The following STXBP2 variants were observed in gnomAD, a reference collection of about 807,000 sequenced individuals.
STXBP2 encodes the protein syntaxin-binding protein 2.
Under a neutral mutation model 72.2 loss-of-function variants are expected in STXBP2, and 47 were observed. The ratio of observed to expected loss-of-function variants is 0.65; its 90% CI spans 0.51 to 0.83. The LOEUF is 0.83. Ranked by LOEUF, STXBP2 falls within the 40% of genes least tolerant of loss-of-function variation. The probability of loss-of-function intolerance (pLI) is 0.00; values close to 1 mark genes in which losing one functional copy is unlikely to be tolerated. For missense variants in STXBP2, 702 were observed against 807.6 expected (o/e 0.87, Z 1.58); for synonymous variants, 367 against 338.7 (o/e 1.08, Z -0.92).
At chr19:7,635,634 T>C (rs1407822132), upstream of STXBP2, among the ~76,000 whole-genome samples, 1 of 152,094 alleles carries the variant, frequency 6.6e-6, no homozygotes, top group African/African-American at 2.4e-5. Context: ...AAGTCGAGGC[T>C]GCAGTGAGCT....
At chr19:7,632,540 G>C (rs1254535676), upstream of STXBP2, 1 of 1,610,988 alleles carries the variant, frequency 6.2e-7, no homozygotes, top group South Asian at 1.1e-5. This position sits in a 1 kb window ranked among gnomAD's most constrained non-coding sequence, Gnocchi z 5.2. Context: ...TCACAGACTT[G>C]GGAGGACACA....
chr19:7,647,257 C>G lies in STXBP2; in HGVS notation c.1538+10C>G, dbSNP rs139200597. 5.0e-6 allele frequency: 8 copies of G among 1,610,392 alleles called. No homozygotes were observed. Among genetic ancestry groups the G allele is most frequent in the Admixed American group, 1.7e-5 (1 of 59,956 alleles). On this transcript the variant is annotated intron_variant, in intron 17 of 18. Coordinates refer to ENST00000221283, the MANE Select transcript of STXBP2 (RefSeq NM_006949.4). Reference sequence around the variant, plus strand: ...CCCAGGCCGCTGTCAGGTGAGGCCCCGGGGCCGCCCCCGCCCACGCCTGGG... The same window carrying G: ...CCCAGGCCGCTGTCAGGTGAGGCCCGGGGGCCGCCCCCGCCCACGCCTGGG...
Position 7,642,774 on chromosome 19 carries a change from CG to C in STXBP2, c.913del (p.Glu305SerfsTer3). On this transcript the variant is annotated frameshift_variant, in exon 11 of 19. Transcript: ENST00000221283. LOFTEE classifies it high-confidence loss of function. This position sits in a 1 kb window ranked among gnomAD's most constrained non-coding sequence, Gnocchi z 6.0. ...CCCACCCTCATGGCCAGGAAGGTCA[CG>C]GAGCTCCTGAGGACCTTCTGTGAGA... ...MHIADVSKKV[T>X]ELLRTFCESK... The C allele has an allele frequency of 6.2e-7, 1 of 1,613,892 alleles. No homozygotes were observed. Among genetic ancestry groups the C allele is most frequent in the Non-Finnish European group, 8.5e-7 (1 of 1,179,988 alleles).
upstream of STXBP2, chr19:7,633,461 C>T: frequency 3.8e-6 from 6 of 1,574,934 alleles, no homozygotes; most frequent in Non-Finnish European, 4.3e-6. Flanking sequence ...CCATCATGTC[C>T]CTGGACTCCA....
chr19:7,631,622 T>G, the STXBP2 span: 1 of 1,466,560 alleles, frequency 6.8e-7, no homozygotes. Context: ...TCCTTGTTAT[T>G]CATTTAAGTG....
upstream of STXBP2, chr19:7,633,146 C>T (rs1015648694): frequency 2.1e-5 from 8 of 375,594 alleles, no homozygotes; most frequent in Admixed American, 1.3e-4. Flanking sequence ...AGCTGGGACA[C>T]GAATCAGGGA....
At chr19:7,636,154 T>C (rs1599384753), upstream of STXBP2, 1 of 152,136 alleles carries the variant, frequency 6.6e-6, no homozygotes, top group South Asian at 2.1e-4. Flanking sequence ...GACCTTCGGG[T>C]CTGATTCACT....
chr19:7,632,865 C>T, upstream of STXBP2: 1 of 1,537,774 alleles, frequency 6.5e-7, no homozygotes, highest in Non-Finnish European at 8.7e-7. The surrounding 1 kb of genome is among the most constrained non-coding windows in gnomAD (Gnocchi z 5.2). Flanking sequence ...GTTGGCCCTT[C>T]AGCTTGGGGG....
the STXBP2 span, chr19:7,630,536 G>C: frequency 6.8e-7 from 1 of 1,465,254 alleles, no homozygotes; most frequent in South Asian, 1.2e-5. Flanking sequence ...CACATTGCTT[G>C]GGGGGAGCTC....
At position 7,640,284 on chromosome 19, in the gene STXBP2, C is replaced by T. The variant is rs1568465083; in HGVS notation, c.247-447C>T. 2.5e-5 allele frequency: 13 copies of T among 518,784 alleles called. 1 individual carries two copies. Among genetic ancestry groups the T allele is most frequent in the South Asian group, 1.7e-4 (11 of 64,370 alleles). The allele number at this position is 518,784 out of a possible 1,614,324, so 32.1% of individuals were successfully genotyped here. A position where few individuals can be genotyped will look rare whatever the true frequency, so the allele number is the denominator to read the frequency against. ...TGTATGCGTGTATATGTATGTGCATCTGTGTGCATGTGTCTATGTATGTGT... is the reference window on the plus strand; with the variant it reads ...TGTATGCGTGTATATGTATGTGCATTTGTGTGCATGTGTCTATGTATGTGT... On this transcript the variant is annotated intron_variant, in intron 4 of 18. Coordinates refer to ENST00000221283, the MANE Select transcript of STXBP2 (RefSeq NM_006949.4).
the STXBP2 span, chr19:7,629,833 G>A: frequency 6.5e-7 from 1 of 1,536,710 alleles, no homozygotes. Flanking sequence ...GGAGAAACGA[G>A]ATGGGGGTGA....
chr19:7,646,330 A>G lies in STXBP2; in HGVS notation c.1438A>G (p.Lys480Glu). ...YQLSRWTPVI[K>E]DVMEDAVEDR... ...GCTGTCCCGCTGGACCCCGGTCATC[A>G]AGGATGTAATGGAGGTACTGGGTGG... The change falls in exon 16 of 19, where the codon AAG becomes GAG. Residue 480 changes from lysine (K) to glutamate (E), a missense_variant. Transcript: ENST00000221283. 6.2e-7 allele frequency: 1 copy of G among 1,608,984 alleles called. No individual in the cohort carries two copies. Among genetic ancestry groups the G allele is most frequent in the Non-Finnish European group, 8.5e-7 (1 of 1,178,220 alleles).
chr19:7,637,089 G>T, upstream of STXBP2: 2 of 1,233,716 alleles, frequency 1.6e-6, no homozygotes, highest in Non-Finnish European at 2.0e-6. Flanking sequence ...TGGGTGACGC[G>T]CGGGGCCACG....
upstream of STXBP2, chr19:7,632,645 C>A: frequency 6.4e-7 from 1 of 1,564,898 alleles, no homozygotes; most frequent in Non-Finnish European, 8.6e-7. The surrounding 1 kb of genome is among the most constrained non-coding windows in gnomAD (Gnocchi z 5.2). Flanking sequence ...CCAGGCCCTC[C>A]AGATGACCAC....
chr19:7,633,484 C>T, upstream of STXBP2: 2 of 1,563,036 alleles, frequency 1.3e-6, no homozygotes, highest in East Asian at 2.4e-5. Context: ...CACTTTTCTG[C>T]TGGCCTCTGC....
intron 4 of STXBP2, chr19:7,640,298 C>T (rs1027041456): frequency 5.7e-6 from 3 of 526,442 alleles, no homozygotes; most frequent in Non-Finnish European, 7.2e-6. Context: ...GTGCATGTGT[C>T]TATGTATGTG....
At chr19:7,633,434 C>A, upstream of STXBP2, 1 of 1,576,302 alleles carries the variant, frequency 6.3e-7, no homozygotes, top group East Asian at 2.3e-5. Context: ...AGCCTTCCTC[C>A]GTCTTCTCCT....
rs950240136 is a variant in STXBP2 at position 7,642,928 on chromosome 19, G to T, written c.961-55G>T. ...TTCGAGCCTGGACTGAGACCCAGGT[G>T]GGCACTGCCTGGCTTCGCCCCCCAA... On this transcript the variant is annotated intron_variant, in intron 11 of 18. Coordinates refer to ENST00000221283, the MANE Select transcript of STXBP2 (RefSeq NM_006949.4). This position sits in a 1 kb window ranked among gnomAD's most constrained non-coding sequence, Gnocchi z 6.0. 1.8e-4 allele frequency: 298 copies of T among 1,611,338 alleles called. 2 individuals are homozygous for T. In the South Asian group the frequency reaches 2.3e-3, roughly 12 times the overall value.
intron 6 of STXBP2, 95 bp from the exon 7 acceptor site, chr19:7,641,610 A>G: frequency 6.6e-7 from 1 of 1,519,370 alleles, no homozygotes; most frequent in South Asian, 1.2e-5. Flanking sequence ...GGGACCAGGG[A>G]CGGCTCCCAG....
Sources: gnomAD v4.1 joint callset for allele counts (sites outside exome capture counted in the v4.1 genomes callset) on GRCh38, gnomAD v4.1.1 for gene constraint, Gnocchi (gnomAD v3.1) non-coding constraint, MANE v1.5 for transcripts, NCBI Gene and HGNC (gene_info 2026-07-23, HGNC 2026-07-21) for gene names.